The following PTK2 variants were observed in gnomAD, a reference collection of about 807,000 sequenced individuals.
PTK2 encodes protein tyrosine kinase 2, also known as focal adhesion kinase 1.
A neutral mutation model predicts 150.1 loss-of-function variants in PTK2; 45 were observed. That is an observed-to-expected ratio of 0.30 (90% confidence interval 0.24 to 0.38). The LOEUF (loss-of-function observed/expected upper bound fraction) is 0.38, where lower values mean the gene tolerates loss of function less well. Among genes scored for constraint, PTK2 ranks in the 10% least tolerant of loss-of-function variants. The pLI is 1.00. For synonymous variants in PTK2, 432 were observed against 449.2 expected (o/e 0.96, Z 0.48); for missense variants, 919 against 1,307.3 (o/e 0.70, Z 4.58).
At chr8:140,988,653 C>T (rs774498964) in intron 1 of PTK2, among the ~76,000 whole-genome samples, 13 of 150,384 alleles carry the variant, frequency 8.6e-5, no homozygotes, top group African/African-American at 2.0e-4. Context: ...GGCGTGAACC[C>T]GGGAGGCGGA....
At chr8:140,692,152 T>C (rs1338031711) in intron 26 of PTK2, among the ~76,000 whole-genome samples, 1 of 152,234 alleles carries the variant, frequency 6.6e-6, no homozygotes, top group Non-Finnish European at 1.5e-5. Context: ...AAGACAGGAT[T>C]TTAATTTTAA....
At chr8:140,866,325 G>A (rs2100139256) in intron 4 of PTK2, among the ~76,000 whole-genome samples, 1 of 152,164 alleles carries the variant, frequency 6.6e-6, no homozygotes, top group African/African-American at 2.4e-5. Flanking sequence ...GAAACAATGG[G>A]CAGCCTGGCT....
At chr8:140,695,789 C>T (rs527443284) in intron 26 of PTK2, among the ~76,000 whole-genome samples, 6 of 152,278 alleles carry the variant, frequency 3.9e-5, no homozygotes, top group South Asian at 4.1e-4. Context: ...CTTGGGACCA[C>T]GTCTCAACAA....
chr8:140,692,867 C>T (rs1347518509), intron 26 of PTK2, among the ~76,000 whole-genome samples: 3 of 152,184 alleles, frequency 2.0e-5, no homozygotes, highest in African/African-American at 7.2e-5. Flanking sequence ...AGCCTCTTGC[C>T]ACTGCTCTTT....
At chr8:140,868,942 T>A (rs777746117) in intron 4 of PTK2, among the ~76,000 whole-genome samples, 1 of 152,198 alleles carries the variant, frequency 6.6e-6, no homozygotes, top group Non-Finnish European at 1.5e-5. Flanking sequence ...TCAATGTTAA[T>A]CTCCTGGTTT....
At chr8:140,965,615 G>A (rs1013319181) in intron 1 of PTK2, among the ~76,000 whole-genome samples, 1 of 152,142 alleles carries the variant, frequency 6.6e-6, no homozygotes, top group Non-Finnish European at 1.5e-5. Context: ...GGTGGCTCAC[G>A]CCTGTAATTC....
At chr8:140,702,415 C>T (rs540378049) in intron 25 of PTK2, among the ~76,000 whole-genome samples, 155 bp downstream of exon 28, 1 of 151,856 alleles carries the variant, frequency 6.6e-6, no homozygotes, top group East Asian at 1.9e-4. Context: ...GACAGGGTCT[C>T]GCTATGTTGC....
intron 22 of PTK2, among the ~76,000 whole-genome samples, chr8:140,731,284 T>C (rs1023325636): frequency 1.3e-5 from 2 of 152,102 alleles, no homozygotes; most frequent in Admixed American, 1.3e-4. Context: ...TCAAAAAATA[T>C]TTGGTGCGCT....
At chr8:140,855,532 T>C (rs889749779) in intron 5 of PTK2, among the ~76,000 whole-genome samples, 4 of 151,592 alleles carry the variant, frequency 2.6e-5, no homozygotes, top group African/African-American at 9.7e-5. Context: ...GAGGCGGAGG[T>C]TGCAGTGAGC....
chr8:140,758,772 GTTTA>G (rs1211938532), intron 16 of PTK2, among the ~76,000 whole-genome samples: 1 of 152,174 alleles, frequency 6.6e-6, no homozygotes, highest in African/African-American at 2.4e-5. Context: ...AGCGTACAGT[GTTTA>G]TAGCCTATAG....
chr8:140,943,419 C>T (rs1351235554), intron 1 of PTK2, among the ~76,000 whole-genome samples: 2 of 152,162 alleles, frequency 1.3e-5, no homozygotes. Flanking sequence ...CAGTTAGTTC[C>T]TTTTTATTGC....
chr8:140,717,624 C>T (rs775241617), exon 23 of PTK2: 62 of 1,613,786 alleles, frequency 3.8e-5, no homozygotes, highest in Non-Finnish European at 4.7e-5. Context: ...TCAGACCCTC[C>T]GGAGTCCCAG....
At chr8:140,746,686 G>A in intron 18 of PTK2, 74 bp downstream of exon 21, 2 of 1,126,182 alleles carry the variant, frequency 1.8e-6, no homozygotes, top group Non-Finnish European at 2.6e-6. Context: ...GATATAAACT[G>A]TTTATATTTT....
chr8:140,897,474 C>G (rs1364682539), intron 2 of PTK2, among the ~76,000 whole-genome samples: 5 of 152,188 alleles, frequency 3.3e-5, no homozygotes, highest in Non-Finnish European at 7.3e-5. Flanking sequence ...TATTTGCCAT[C>G]AGGCCTTCTT....
At chr8:140,752,047 G>C in intron 17 of PTK2, 185 bp downstream of exon 20, 1 of 697,736 alleles carries the variant, frequency 1.4e-6, no homozygotes, top group South Asian at 1.5e-5. Context: ...AAAACATGAT[G>C]GTTTACCTGG....
At position 140,810,988 on chromosome 8, in the gene PTK2, T is replaced by C. The variant is rs370884672; in HGVS notation, c.867+7289A>G. Among the ~76,000 whole-genome samples, 5 of 152,182 alleles carry C rather than the reference T, an allele frequency of 3.3e-5. No homozygotes were observed. The East Asian group carries it at 9.6e-4, about 29-fold the overall frequency. Reference sequence around the variant, plus strand: ...ACCCAAACCGTGCTGCTACTGCCACTGTAGTGAATGCTCAAATGGAGACAG... The same window carrying C: ...ACCCAAACCGTGCTGCTACTGCCACCGTAGTGAATGCTCAAATGGAGACAG... On this transcript the variant is annotated intron_variant, in intron 10 of 31. Transcript: ENST00000522684.
chr8:140,864,186 T>C (rs747356235), intron 5 of PTK2, 126 bp downstream of exon 5: 44 of 502,320 alleles, frequency 8.8e-5, no homozygotes, highest in Non-Finnish European at 1.5e-4. Context: ...AAGATTCTTA[T>C]TGCCATTCAG....
intron 8 of PTK2, among the ~76,000 whole-genome samples, chr8:140,823,737 G>A (rs1167914669): frequency 2.0e-5 from 3 of 152,200 alleles, no homozygotes; most frequent in African/African-American, 7.2e-5. Flanking sequence ...AATGCATCAC[G>A]GGCAGTCCCA....
chr8:140,970,139 G>T (rs2100186729), intron 1 of PTK2, among the ~76,000 whole-genome samples: 1 of 152,256 alleles, frequency 6.6e-6, no homozygotes, highest in African/African-American at 2.4e-5. Flanking sequence ...TCAATTCTGA[G>T]ACCTCTGCCC....
Sources: gnomAD v4.1 joint callset for allele counts (sites outside exome capture counted in the v4.1 genomes callset) on GRCh38, gnomAD v4.1.1 for gene constraint, MANE v1.5 for transcripts, NCBI Gene and HGNC (gene_info 2026-07-23, HGNC 2026-07-21) for gene names.